The following DSCAM variants were observed in gnomAD, a reference collection of about 807,000 sequenced individuals.
DSCAM encodes cell adhesion molecule DSCAM.
DSCAM carries 47 observed loss-of-function variants against 217.7 expected under a neutral mutation model. The observed-to-expected ratio is 0.22, with a 90% confidence interval of 0.17 to 0.28. The LOEUF (loss-of-function observed/expected upper bound fraction) is 0.28. Ranked by LOEUF, DSCAM falls within the 10% of genes least tolerant of loss-of-function variation. The pLI is 1.00. For missense variants in DSCAM, 2,080 were observed against 2,618.3 expected (o/e 0.79, Z 4.49); for synonymous variants, 1,056 against 1,015.3 (o/e 1.04, Z -0.76).
intron 1 of DSCAM, among the ~76,000 whole-genome samples, chr21:40,773,420 T>C (rs2091463123): frequency 6.6e-6 from 1 of 152,192 alleles, no homozygotes; most frequent in African/African-American, 2.4e-5. Flanking sequence ...CCCTGTGTCT[T>C]CATGTCTAAA....
chr21:40,366,553 T>C (rs1450010331), intron 4 of DSCAM, among the ~76,000 whole-genome samples: 1 of 152,208 alleles, frequency 6.6e-6, no homozygotes, highest in East Asian at 1.9e-4. Context: ...CAAAAAAATA[T>C]AGTTTTCATA....
chr21:40,470,232 A>G (rs1003890472), intron 3 of DSCAM, among the ~76,000 whole-genome samples: 4 of 152,254 alleles, frequency 2.6e-5, no homozygotes, highest in Non-Finnish European at 5.9e-5. Context: ...GCCAATGAGG[A>G]TTCAGTAACT....
At chr21:40,039,063 T>G (rs1212470108) in intron 32 of DSCAM, among the ~76,000 whole-genome samples, 2 of 151,416 alleles carry the variant, frequency 1.3e-5, no homozygotes, top group Non-Finnish European at 2.9e-5. Context: ...ATATACCTAA[T>G]GCTAGATGAC....
At chr21:40,231,251 C>T (rs563719299) in intron 11 of DSCAM, among the ~76,000 whole-genome samples, 38 of 151,772 alleles carry the variant, frequency 2.5e-4, no homozygotes, top group African/African-American at 8.2e-4. Flanking sequence ...AGGACGACCC[C>T]AAGACGGTGG....
At position 40,095,169 on chromosome 21, in the gene DSCAM, TC is replaced by T. The variant is rs566150077; in HGVS notation, c.3697-1296del. On this transcript the variant is annotated intron_variant, in intron 20 of 32. Transcript: ENST00000400454. ...AAGAATGAGGCCAAGCAAAAGGGGT[TC>T]CCCCTTGTAAAACCATTATATCTCA... Among the ~76,000 whole-genome samples, 51 of 152,280 alleles carry T rather than the reference TC, an allele frequency of 3.3e-4. No homozygotes were observed. The East Asian group carries it at 6.8e-3, about 20-fold the overall frequency.
intron 3 of DSCAM, among the ~76,000 whole-genome samples, chr21:40,544,400 G>T (rs979163684): frequency 3.3e-5 from 5 of 152,286 alleles, no homozygotes; most frequent in Middle Eastern, 3.4e-3. Context: ...GGTATTTGCA[G>T]ATGTAATTAG....
rs947078212 is a variant in DSCAM at position 40,417,534 on chromosome 21, T to C, written c.509-48289A>G. Among the ~76,000 whole-genome samples the C allele has an allele frequency of 4.8e-5, 7 of 145,208 alleles. No homozygotes were observed. In the South Asian group the frequency reaches 6.8e-4, roughly 14 times the overall value. On this transcript the variant is annotated intron_variant, in intron 3 of 32. Transcript: ENST00000400454. Reference sequence around the variant, plus strand: ...TAATTGTTGTGTCTAATGTGTAATATTGCATTTGATATTTGATGAAGAAAA... The same window carrying C: ...TAATTGTTGTGTCTAATGTGTAATACTGCATTTGATATTTGATGAAGAAAA...
intron 1 of DSCAM, among the ~76,000 whole-genome samples, chr21:40,818,882 A>G (rs1435972714): frequency 4.6e-5 from 7 of 152,360 alleles, no homozygotes; most frequent in Non-Finnish European, 4.4e-5. Flanking sequence ...CTTTAAAATA[A>G]CCACATAATT....
intron 3 of DSCAM, among the ~76,000 whole-genome samples, chr21:40,429,779 G>A (rs990283829): frequency 1.3e-5 from 2 of 152,214 alleles, no homozygotes; most frequent in Admixed American, 6.5e-5. Context: ...CTATTATTAA[G>A]TACTCCAGAA....
At chr21:40,627,081 C>T (rs535037926) in intron 3 of DSCAM, among the ~76,000 whole-genome samples, 4 of 152,258 alleles carry the variant, frequency 2.6e-5, no homozygotes, top group South Asian at 2.1e-4. Context: ...AGAGATACAC[C>T]GACTGAGGAC....
rs1338425475 is a variant in DSCAM at position 40,078,840 on chromosome 21, C to T, written c.4558G>A (p.Val1520Ile). 1.2e-6 allele frequency: 2 copies of T among 1,614,238 alleles called. No individual in the cohort carries two copies. The highest frequency in any genetic ancestry group is 1.7e-6 in the Non-Finnish European group (2 of 1,180,046). Residue 1520 changes from valine (V) to isoleucine (I), a missense_variant, in exon 26 of 33, where the codon GTT becomes ATT. Val to Ile is a conservative substitution (Grantham distance 29). Around this residue, in one of 5 missense-constraint regions of DSCAM, gnomAD observed 1,144 missense variants for 1,421.1 expected, o/e 0.81. Coordinates refer to ENST00000400454, the MANE Select transcript of DSCAM (RefSeq NM_001389.5). ...GAGGTCCTCTGAGCTGTGGTCCAAA[C>T]TGTGGTCCCAAAGGGCCTGTACTCT... ...TLEYRPFGTTVWTTAQRTSLS... is the reference protein window; with the variant it reads ...TLEYRPFGTTIWTTAQRTSLS...
Position 40,189,248 on chromosome 21 carries a change from CA to C in DSCAM, c.2357-11del. 1 of 1,555,746 alleles carries C rather than the reference CA, an allele frequency of 6.4e-7. No individual in the cohort carries two copies. Among genetic ancestry groups the C allele is most frequent in the Non-Finnish European group, 8.7e-7 (1 of 1,153,068 alleles). On this transcript the variant is annotated splice_polypyrimidine_tract_variant and intron_variant, in intron 11 of 32. Coordinates refer to ENST00000400454, the MANE Select transcript of DSCAM (RefSeq NM_001389.5). ...GTTATCATCGCAGGAACTGAAAAAG[CA>C]AAAGGGACACAACTTGTTCAGCAAA...
intron 3 of DSCAM, among the ~76,000 whole-genome samples, chr21:40,662,487 T>G (rs1322006417): frequency 6.6e-6 from 1 of 152,246 alleles, no homozygotes; most frequent in Non-Finnish European, 1.5e-5. Flanking sequence ...CCAACAAGCA[T>G]GCATTGAACA....
chr21:40,171,517 GTATT>G (rs2090657718), intron 15 of DSCAM, among the ~76,000 whole-genome samples: 1 of 151,280 alleles, frequency 6.6e-6, no homozygotes, highest in Middle Eastern at 3.4e-3. Context: ...TGTCAGTAAT[GTATT>G]TATTGTTCTG....
chr21:40,206,676 T>C (rs545222616), intron 11 of DSCAM, among the ~76,000 whole-genome samples: 4 of 142,912 alleles, frequency 2.8e-5, no homozygotes, highest in Non-Finnish European at 6.0e-5. Context: ...TTGCTTTTCC[T>C]GGGATTTGCC....
At position 40,561,393 on chromosome 21, in the gene DSCAM, G is replaced by A. The variant is rs111862405; in HGVS notation, c.508+131417C>T. Among the ~76,000 whole-genome samples, 747 of 152,234 alleles carry A rather than the reference G, an allele frequency of 4.9e-3. 4 individuals are homozygous for A. The highest frequency in any genetic ancestry group is 0.017 in the African/African-American group (693 of 41,528). ...CCTGTGTGTATGCTGACTACACGTCGTTCCATTATTTTCTCACCGGCAGAA... is the reference window on the plus strand; with the variant it reads ...CCTGTGTGTATGCTGACTACACGTCATTCCATTATTTTCTCACCGGCAGAA... On this transcript the variant is annotated intron_variant, in intron 3 of 32. Coordinates refer to ENST00000400454, the MANE Select transcript of DSCAM (RefSeq NM_001389.5).
chr21:40,697,981 TTG>T (rs566716327), intron 2 of DSCAM, among the ~76,000 whole-genome samples: 1 of 152,242 alleles, frequency 6.6e-6, no homozygotes, highest in Admixed American at 6.5e-5. Context: ...ACTTTCCATT[TTG>T]TGTGTGTGTG....
At chr21:40,542,218 T>C (rs1229029522) in intron 3 of DSCAM, among the ~76,000 whole-genome samples, 1 of 152,194 alleles carries the variant, frequency 6.6e-6, no homozygotes, top group African/African-American at 2.4e-5. Flanking sequence ...AAAAAATGAA[T>C]GTTCAGTGCT....
chr21:40,589,376 G>A (rs908708499), intron 3 of DSCAM, among the ~76,000 whole-genome samples: 3 of 152,160 alleles, frequency 2.0e-5, no homozygotes, highest in Non-Finnish European at 4.4e-5. Flanking sequence ...AGGAATTTGA[G>A]ACCAGCCTGG....
Sources: allele counts gnomAD v4.1 joint callset (sites outside exome capture counted in the v4.1 genomes callset), GRCh38; gene constraint gnomAD v4.1.1; regional missense constraint gnomAD v4.1.1; transcripts MANE v1.5; gene names NCBI Gene and HGNC (gene_info 2026-07-23, HGNC 2026-07-21).